Variants in IL9R observed in about 807,000 individuals in gnomAD.
The protein encoded by IL9R is interleukin-9 receptor.
A neutral mutation model predicts 56.3 loss-of-function variants in IL9R; 54 were observed. The observed-to-expected ratio is 0.96, with a 90% CI of 0.77 to 1.20. The LOEUF (loss-of-function observed/expected upper bound fraction) is 1.20. Ranked by LOEUF, IL9R falls within the 50% of genes most tolerant of loss-of-function variation. The pLI is 0.00. For synonymous variants in IL9R, 212 were observed against 250.2 expected (o/e 0.85, Z 1.44); for missense variants, 545 against 629.8 (o/e 0.87, Z 1.44).
At chrX:156,004,319 C>T (rs745917570) in intron 4 of IL9R, 101 bp from the exon 5 acceptor site, 8 of 1,265,550 alleles carry the variant, frequency 6.3e-6, no homozygotes, top group Non-Finnish European at 9.1e-6. Flanking sequence ...AGGGCCTTGA[C>T]CATTCCCCTT....
intron 7 of IL9R, among the ~76,000 whole-genome samples, chrX:156,006,905 A>G (rs1412770930): frequency 2.7e-5 from 4 of 150,774 alleles, no homozygotes; most frequent in Non-Finnish European, 5.9e-5. Context: ...AGGTGCCCAC[A>G]GGGAGACGAT....
chrX:155,997,723 C>A lies in IL9R; in HGVS notation c.-37C>A. The A allele has an allele frequency of 1.2e-6, 2 of 1,610,786 alleles. No homozygotes were observed. The highest frequency in any genetic ancestry group is 1.1e-5 in the South Asian group (1 of 90,988). ...TGTGCACCCAGAGATAGTTGGGTGACAAATCACCTCCAGGTTGGGGATGCC... is the reference window on the plus strand; with the variant it reads ...TGTGCACCCAGAGATAGTTGGGTGAAAAATCACCTCCAGGTTGGGGATGCC... On this transcript the variant is annotated 5_prime_UTR_variant, in exon 1 of 9. Coordinates refer to ENST00000244174, the MANE Select transcript of IL9R (RefSeq NM_002186.3).
At chrX:155,998,825 G>C (rs757404947) in intron 1 of IL9R, among the ~76,000 whole-genome samples, 1 of 152,190 alleles carries the variant, frequency 6.6e-6, no homozygotes, top group Admixed American at 6.5e-5. Flanking sequence ...ACAACGCACA[G>C]TGATGACCTT....
At chrX:156,011,682 T>G (rs1026275240), downstream of IL9R, among the ~76,000 whole-genome samples, 6 of 79,982 alleles carry the variant, frequency 7.5e-5, 2 homozygotes, top group South Asian at 5.5e-4. Flanking sequence ...CCAGGGTCAT[T>G]CTCCTGGCCT....
intron 5 of IL9R, 122 bp from the exon 6 acceptor site, chrX:156,005,156 G>A (rs1385714972): frequency 1.3e-6 from 1 of 747,632 alleles, no homozygotes; most frequent in African/African-American, 1.7e-5. Context: ...GAGTGTGTCT[G>A]TGTGTTAACA....
intron 1 of IL9R, among the ~76,000 whole-genome samples, chrX:155,998,445 C>T (rs1208502794): frequency 2.6e-5 from 4 of 151,928 alleles, no homozygotes; most frequent in Non-Finnish European, 5.9e-5. Context: ...GGATGTGGGC[C>T]CTGCTTGGAT....
intron 1 of IL9R, among the ~76,000 whole-genome samples, chrX:155,998,802 G>T (rs1248342531): frequency 6.6e-6 from 1 of 152,058 alleles, no homozygotes; most frequent in South Asian, 2.1e-4. Context: ...GCCTCCAGGA[G>T]CCTCATGTAG....
chrX:156,001,254 C>T lies in IL9R; in HGVS notation c.29-1652C>T, dbSNP rs2067500824. 4.2e-6 allele frequency: 3 copies of T among 715,914 alleles called. No homozygotes were observed. In the African/African-American group the frequency reaches 5.2e-5, roughly 12 times the overall value. The allele number at this position is 715,914 out of a possible 1,614,324, so 44.3% of individuals were successfully genotyped here. ...CTACATAGATGTGGGTGTTTCTCCA[C>T]TGCTGGGGCAGCAGTTGTCCATTCT... is the stretch of plus-strand genomic sequence containing the variant. On this transcript the variant is annotated intron_variant, in intron 1 of 8. Transcript: ENST00000244174.
At chrX:156,004,355 T>C in intron 4 of IL9R, 65 bp from the exon 5 acceptor site, 1 of 1,560,160 alleles carries the variant, frequency 6.4e-7, no homozygotes, top group Non-Finnish European at 8.8e-7. Flanking sequence ...CCCAGTCTTG[T>C]GTGTTCTGAC....
intron 7 of IL9R, 148 bp downstream of exon 7, chrX:156,006,336 C>T: frequency 1.6e-6 from 1 of 618,668 alleles, no homozygotes; most frequent in Non-Finnish European, 2.9e-6. Flanking sequence ...TTCCTCCCCT[C>T]CCCTCTCCAC....
chrX:156,002,758 C>T (rs955018017), intron 1 of IL9R, 148 bp from the exon 2 acceptor site: 210 of 1,132,312 alleles, frequency 1.9e-4, no homozygotes, highest in East Asian at 9.7e-4. Context: ...TGGTCCAGGA[C>T]GCTGGACACT....
At chrX:156,009,127 T>TTG (rs1172878931) in intron 8 of IL9R, among the ~76,000 whole-genome samples, 1 of 126,666 alleles carries the variant, frequency 7.9e-6, no homozygotes, top group African/African-American at 3.1e-5. Flanking sequence ...CTGTGTATGT[T>TTG]TGTGTGTGTG....
At chrX:156,010,922 A>G, downstream of IL9R, 1 of 51,308 alleles carries the variant, frequency 1.9e-5, no homozygotes, top group Non-Finnish European at 2.9e-5. Flanking sequence ...TGTAGGCTCA[A>G]TGACAGTTCT....
chrX:156,005,598 G>A, intron 6 of IL9R, 119 bp downstream of exon 6: 1 of 823,124 alleles, frequency 1.2e-6, no homozygotes, highest in South Asian at 1.6e-5. Context: ...AGGCAGCCAT[G>A]CCTCAGTTGA....
At chrX:156,009,241 G>GTGTGTGTGTGTGTGTGTGT (rs1377556588) in intron 8 of IL9R, among the ~76,000 whole-genome samples, 1 of 26,702 alleles carries the variant, frequency 3.7e-5, no homozygotes, top group Non-Finnish European at 7.5e-5. Context: ...GTGTTCGTGT[G>GTGTGTGTGTGTGTGTGTGT]GTGTGTGTGT....
In IL9R at chrX:156,003,918, G is replaced by C; in HGVS notation, c.433+63G>C. 3.9e-6 allele frequency: 6 copies of C among 1,555,772 alleles called. No individual in the cohort carries two copies. In the East Asian group the frequency reaches 1.4e-4, roughly 35 times the overall value. On this transcript the variant is annotated intron_variant, in intron 4 of 8. Coordinates refer to ENST00000244174, the MANE Select transcript of IL9R (RefSeq NM_002186.3). The stretch of plus-strand genomic sequence containing the variant: ...GCAAGAACATCCTGGCTGCTTGGGG[G>C]TTTGGAGCAGGGCCTTGCAGCCTGT...
rs758262533 is a variant in IL9R at position 156,006,203 on chromosome X, T to C, written c.887+15T>C. ...CTGTCGCCCAGGTAGGTGGCTGATGTGTGCGTGTGTGTACATGTGTGAGCG... is the reference window on the plus strand; with the variant it reads ...CTGTCGCCCAGGTAGGTGGCTGATGCGTGCGTGTGTGTACATGTGTGAGCG... On this transcript the variant is annotated intron_variant, in intron 7 of 8. Coordinates refer to ENST00000244174, the MANE Select transcript of IL9R (RefSeq NM_002186.3). 4.3e-6 allele frequency: 4 copies of C among 924,072 alleles called. No homozygotes were observed. In the African/African-American group the frequency reaches 6.4e-5, roughly 15 times the overall value. The allele number at this position is 924,072 out of a possible 1,614,324, so 57.2% of individuals were successfully genotyped here. A position where few individuals can be genotyped will look rare whatever the true frequency, so the allele number is the denominator to read the frequency against.
Position 156,005,357 on chromosome X carries a change from A to G in IL9R, c.659A>G (p.His220Arg). Residue 220 changes from histidine (H) to arginine (R), a missense_variant, in exon 6 of 9, where the codon CAT becomes CGT. By Grantham distance (29) the His-to-Arg change is conservative (BLOSUM62 0). Transcript: ENST00000244174. ...TTTGAGCTGGACCCTGGCTTTATCC[A>G]TGAGGCCAGGCTGCGTGTCCAGATG... ...EAFELDPGFI[H>R]EARLRVQMAT... 3 of 1,612,738 alleles carry G rather than the reference A, an allele frequency of 1.9e-6. No individual in the cohort carries two copies. The highest frequency in any genetic ancestry group is 1.9e-4 in the Middle Eastern group (1 of 5,188).
In IL9R at chrX:156,005,389, C is replaced by T. The variant is rs535423846; in HGVS notation, c.691C>T (p.Leu231=). The part of the protein sequence containing the change: ...EARLRVQMAT[L]EDDVVEEERY... ...CAGGCTGCGTGTCCAGATGGCCACACTGGAGGATGATGTGGTAGAGGAGGA... is the reference window on the plus strand; with the variant it reads ...CAGGCTGCGTGTCCAGATGGCCACATTGGAGGATGATGTGGTAGAGGAGGA... Residue 231 remains leucine, a synonymous_variant, in exon 6 of 9, where the codon CTG becomes TTG. Coordinates refer to ENST00000244174, the MANE Select transcript of IL9R (RefSeq NM_002186.3). The T allele has an allele frequency of 1.5e-5, 24 of 1,613,148 alleles. 1 individual carries two copies. The highest frequency in any genetic ancestry group is 9.3e-5 in the African/African-American group (7 of 75,016).
Sources: allele counts gnomAD v4.1 joint callset (sites outside exome capture counted in the v4.1 genomes callset), GRCh38; gene constraint gnomAD v4.1.1; transcripts MANE v1.5; gene names NCBI Gene and HGNC (gene_info 2026-07-23, HGNC 2026-07-21).